The following SRD5A3 variants were observed in gnomAD, a reference collection of about 807,000 sequenced individuals.
SRD5A3 encodes the protein steroid 5 alpha-reductase 3, also known as polyprenal reductase.
A neutral mutation model predicts 34.3 loss-of-function variants in SRD5A3; 24 were observed. The ratio of observed to expected loss-of-function variants is 0.70; its 90% CI spans 0.51 to 0.99. The LOEUF is 0.99. Among genes scored for constraint, SRD5A3 ranks in the 50% least tolerant of loss-of-function variants. The pLI is 0.00. For synonymous variants in SRD5A3, 161 were observed against 167.3 expected (o/e 0.96, Z 0.29); for missense variants, 350 against 388.2 (o/e 0.90, Z 0.83).
In SRD5A3 at chr4:55,368,439, T is replaced by G. The variant is rs1452313295; in HGVS notation, c.697+717T>G. The stretch of plus-strand genomic sequence containing the variant: ...TTATTTATTTATTTATTTATTTAAT[T>G]TTTGAGATGGAGTCTTGCTCTGTTA... On this transcript the variant is annotated intron_variant, in intron 4 of 4. Transcript: ENST00000264228. Among the ~76,000 whole-genome samples the G allele has an allele frequency of 2.0e-5, 3 of 150,446 alleles. No individual in the cohort carries two copies. The East Asian group carries it at 5.9e-4, about 30-fold the overall frequency.
intron 1 of SRD5A3, chr4:55,352,339 G>A (rs1025243351): frequency 2.3e-5 from 18 of 791,774 alleles, no homozygotes; most frequent in Non-Finnish European, 4.2e-5. Context: ...TTTTCTGTAA[G>A]CCTCTGATCC....
In SRD5A3 at chr4:55,359,470, G is replaced by C. The variant is rs529002297; in HGVS notation, c.346G>C (p.Gly116Arg). 1.2e-5 allele frequency: 19 copies of C among 1,613,948 alleles called. No homozygotes were observed. The South Asian group carries it at 2.0e-4, about 17-fold the overall frequency. The part of the protein sequence containing the change: ...SWLHGLLRIL[G>R]AAQFQGGELA... ...GCTTCATGGTTTGCTCAGAATTCTCGGGGCGGCACAGTTCCAGGGTAAGGA... is the reference window on the plus strand; with the variant it reads ...GCTTCATGGTTTGCTCAGAATTCTCCGGGCGGCACAGTTCCAGGGTAAGGA... The change falls in exon 2 of 5, where the codon GGG becomes CGG. Residue 116 changes from glycine to arginine, a missense_variant. Coordinates refer to ENST00000264228, the MANE Select transcript of SRD5A3 (RefSeq NM_024592.5).
chr4:55,347,540 A>G (rs1560363906), intron 1 of SRD5A3, among the ~76,000 whole-genome samples: 1 of 152,176 alleles, frequency 6.6e-6, no homozygotes, highest in Non-Finnish European at 1.5e-5. Context: ...AGGCAGGAAG[A>G]TCATCTGAGA....
intron 1 of SRD5A3, among the ~76,000 whole-genome samples, chr4:55,348,275 C>T (rs1219910796): frequency 5.3e-5 from 8 of 152,118 alleles, no homozygotes; most frequent in Admixed American, 5.2e-4. Flanking sequence ...ACAGACATTT[C>T]TTTTAGTACT....
intron 1 of SRD5A3, among the ~76,000 whole-genome samples, chr4:55,346,990 T>C (rs1355054198): frequency 2.0e-5 from 3 of 152,162 alleles, no homozygotes; most frequent in Non-Finnish European, 4.4e-5. Context: ...CGGGAATCAT[T>C]TGTGGAAATG....
intron 2 of SRD5A3, among the ~76,000 whole-genome samples, chr4:55,362,847 T>C (rs6819649): frequency 0.27 from 40,546 of 149,478 alleles, 6,005 homozygotes; most frequent in Middle Eastern, 0.4. Flanking sequence ...TGAGACTTTT[T>C]TTTTTTTTTT....
intron 1 of SRD5A3, among the ~76,000 whole-genome samples, chr4:55,355,896 A>T (rs1362288388): frequency 6.6e-6 from 1 of 151,114 alleles, no homozygotes; most frequent in Non-Finnish European, 1.5e-5. Context: ...TCTACCTGGC[A>T]CCCCTTACCC....
At position 55,373,069 on chromosome 4, in the gene SRD5A3, T is replaced by C. The variant is rs978692074; in HGVS notation, c.*2978T>C. 2.6e-5 allele frequency: 4 copies of C among 152,182 alleles called. No homozygotes were observed. Among genetic ancestry groups the C allele is most frequent in the African/African-American group, 9.7e-5 (4 of 41,434 alleles). 9.4% of individuals were successfully genotyped at this position (152,182 alleles called of 1,614,324 possible). A position where few individuals can be genotyped will look rare whatever the true frequency, so the allele number is the denominator to read the frequency against. On this transcript the variant is annotated 3_prime_UTR_variant, in exon 5 of 5. Coordinates refer to ENST00000264228, the MANE Select transcript of SRD5A3 (RefSeq NM_024592.5). ...ATAAGTGAGATCACTCAAAATGAGC[T>C]GATATATTAAAGAAGACCTTAAAAC... is the stretch of plus-strand genomic sequence containing the variant.
rs1008130959 is a variant in SRD5A3, at chr4:55,346,705, CGGCCT to C, written c.221+153_221+157del. On this transcript the variant is annotated intron_variant, in intron 1 of 4. Coordinates refer to ENST00000264228, the MANE Select transcript of SRD5A3 (RefSeq NM_024592.5). ...TCCCGGGCGCAGCACGGCGCTCCCT[CGGCCT>C]GGCCCCGGCCATGCCCCGGCTGCTG... The C allele has an allele frequency of 2.3e-5, 16 of 700,140 alleles. No individual in the cohort carries two copies. The East Asian group carries it at 5.3e-4, about 23-fold the overall frequency. 43.4% of individuals were successfully genotyped at this position (700,140 alleles called of 1,614,324 possible).
chr4:55,360,670 G>A (rs1191186769), intron 2 of SRD5A3, among the ~76,000 whole-genome samples: 2 of 150,490 alleles, frequency 1.3e-5, no homozygotes, highest in East Asian at 3.9e-4. Flanking sequence ...CTCAGCATCA[G>A]GATGAAGAAT....
Position 55,368,396 on chromosome 4 carries a change from T to TTTTATTTA in SRD5A3, c.697+707_697+714dup, listed in dbSNP as rs57202577. Among the ~76,000 whole-genome samples the TTTTATTTA allele has an allele frequency of 2.4e-3, 337 of 142,946 alleles. 1 individual carries two copies. The highest frequency in any genetic ancestry group is 3.2e-3 in the South Asian group (14 of 4,358). 93.8% of individuals were successfully genotyped at this position (142,946 alleles called of 152,430 possible). A position where few individuals can be genotyped will look rare whatever the true frequency, so the allele number is the denominator to read the frequency against. ...TGTCTCAAAAAAAAAAATTGAATAG[T>TTTTATTTA]TTTATTTATTTATTTATTTATTTAT... On this transcript the variant is annotated intron_variant, in intron 4 of 4. Coordinates refer to ENST00000264228, the MANE Select transcript of SRD5A3 (RefSeq NM_024592.5).
In SRD5A3 at chr4:55,356,000, A is replaced by ATTTTTTTTTTTTTTTTTTTTTTT. The variant is rs10648522; in HGVS notation, c.222-3342_222-3320dup. Among the ~76,000 whole-genome samples the ATTTTTTTTTTTTTTTTTTTTTTT allele has an allele frequency of 9.4e-5, 7 of 74,264 alleles. 1 individual carries two copies. Among genetic ancestry groups the ATTTTTTTTTTTTTTTTTTTTTTT allele is most frequent in the Non-Finnish European group, 1.6e-4 (7 of 43,028 alleles). The allele number at this position is 74,264 out of a possible 152,430, so 48.7% of individuals were successfully genotyped here. On this transcript the variant is annotated intron_variant, in intron 1 of 4. Transcript: ENST00000264228. ...ATGACCAATGCTTTCTTTTGCCTCC[A>ATTTTTTTTTTTTTTTTTTTTTTT]TTTTTTTTTTTTTTTTTTTTTTTTT... is the stretch of plus-strand genomic sequence containing the variant.
intron 4 of SRD5A3, chr4:55,369,506 G>A: frequency 5.8e-6 from 2 of 344,146 alleles, no homozygotes; most frequent in East Asian, 6.9e-5. Context: ...GAGGTGGGAG[G>A]ATCACTTGAG....
In SRD5A3 at chr4:55,364,184, C is replaced by A. The variant is rs1719789979; in HGVS notation, c.475C>A (p.His159Asn). The A allele has an allele frequency of 6.2e-7, 1 of 1,614,154 alleles. No individual in the cohort carries two copies. Among genetic ancestry groups the A allele is most frequent in the Non-Finnish European group, 8.5e-7 (1 of 1,180,030 alleles). ...CAGTGTCTTCTCCAATGTCATGATT[C>A]ACGTCGTGCAGTACTGTTTTGGACT... is the stretch of plus-strand genomic sequence containing the variant. ...YVSVFSNVMI[H>N]VVQYCFGLVY... The change falls in exon 3 of 5, where the codon CAC becomes AAC. Residue 159 changes from histidine (H) to asparagine (N), a missense_variant. His to Asn is a moderately conservative substitution (Grantham distance 68). Around this residue, in one of 3 missense-constraint regions of SRD5A3, gnomAD observed 186 missense variants for 221.4 expected, o/e 0.84. Coordinates refer to ENST00000264228, the MANE Select transcript of SRD5A3 (RefSeq NM_024592.5).
chr4:55,364,049 G>A, intron 2 of SRD5A3, 25 bp from the exon 3 acceptor site: 1 of 1,612,880 alleles, frequency 6.2e-7, no homozygotes, highest in South Asian at 1.1e-5. Context: ...GAGAAATGCT[G>A]ACCCTGTTGC....
intron 1 of SRD5A3, among the ~76,000 whole-genome samples, chr4:55,352,888 A>T (rs1719248949): frequency 6.6e-6 from 1 of 152,214 alleles, no homozygotes; most frequent in African/African-American, 2.4e-5. Context: ...GGGTTATTTG[A>T]TCATGAGCAA....
chr4:55,354,420 T>C (rs1238162635), intron 1 of SRD5A3, among the ~76,000 whole-genome samples: 1 of 152,160 alleles, frequency 6.6e-6, no homozygotes, highest in African/African-American at 2.4e-5. Flanking sequence ...ATATTAAAAA[T>C]AGATTGTGTT....
At chr4:55,352,450 G>C (rs767001993) in intron 1 of SRD5A3, 3 of 711,506 alleles carry the variant, frequency 4.2e-6, no homozygotes, top group African/African-American at 1.8e-5. Context: ...TTTTCAGAAG[G>C]GCTGTAGCCT....
At chr4:55,347,214 T>G (rs7690827) in intron 1 of SRD5A3, among the ~76,000 whole-genome samples, 134,764 of 152,264 alleles carry the variant, frequency 0.89, 60,166 homozygotes, top group East Asian at 1. Flanking sequence ...AATCGTCAGG[T>G]TTTAAATAGA....
Sources: allele counts gnomAD v4.1 joint callset (sites outside exome capture counted in the v4.1 genomes callset), GRCh38; gene constraint gnomAD v4.1.1; regional missense constraint gnomAD v4.1.1; transcripts MANE v1.5; gene names NCBI Gene and HGNC (gene_info 2026-07-23, HGNC 2026-07-21).